Variants in SNX6 observed in about 807,000 individuals in gnomAD.
SNX6 encodes the protein sorting nexin-6.
A neutral mutation model predicts 63.0 loss-of-function variants in SNX6; 34 were observed. The ratio of observed to expected loss-of-function variants is 0.54; its 90% CI spans 0.41 to 0.72. The LOEUF is 0.72. Among genes scored for constraint, SNX6 ranks in the 30% least tolerant of loss-of-function variants. The pLI, the probability that SNX6 is intolerant of heterozygous loss-of-function variation, is 0.00. For synonymous variants in SNX6, 170 were observed against 164.2 expected (o/e 1.04, Z -0.27); for missense variants, 398 against 471.4 (o/e 0.84, Z 1.44).
intron 6 of SNX6, among the ~76,000 whole-genome samples, 160 bp downstream of exon 6, chr14:34,603,188 G>A (rs1882890923): frequency 6.6e-6 from 1 of 151,528 alleles, no homozygotes; most frequent in African/African-American, 2.4e-5. Flanking sequence ...TGAGGCAGGA[G>A]AATGGCATGA....
intron 1 of SNX6, 68 bp downstream of exon 1, chr14:34,630,043 C>T (rs529356799): frequency 3.5e-6 from 5 of 1,441,496 alleles, no homozygotes; most frequent in African/African-American, 1.5e-5. Context: ...TGGCGCGGTC[C>T]CCGCGCCCGC....
At chr14:34,577,309 G>C (rs1466218344) in intron 10 of SNX6, among the ~76,000 whole-genome samples, 3 of 151,644 alleles carry the variant, frequency 2.0e-5, no homozygotes, top group Non-Finnish European at 4.4e-5. Flanking sequence ...GGCTGGTCTC[G>C]AACTCCTGAC....
At chr14:34,615,462 T>C (rs2138371517) in intron 2 of SNX6, among the ~76,000 whole-genome samples, 1 of 152,200 alleles carries the variant, frequency 6.6e-6, no homozygotes, top group East Asian at 1.9e-4. Flanking sequence ...GCTTAAGTGA[T>C]TCTCCCACCT....
At position 34,562,986 on chromosome 14, in the gene SNX6, G is replaced by C. The variant is rs1880997641; in HGVS notation, c.*136C>G. 2 of 834,236 alleles carry C rather than the reference G, an allele frequency of 2.4e-6. No homozygotes were observed. The highest frequency in any genetic ancestry group is 2.5e-5 in the Admixed American group (1 of 40,092). 51.7% of individuals were successfully genotyped at this position (834,236 alleles called of 1,614,324 possible). On this transcript the variant is annotated 3_prime_UTR_variant, in exon 14 of 14. Transcript: ENST00000362031. ...GGCGTGCGCTGCTCCATGTTTCTCA[G>C]AAAAAGAGGAGTTGATGCACTTTTT...
intron 7 of SNX6, among the ~76,000 whole-genome samples, chr14:34,596,741 T>C (rs1259260073): frequency 6.6e-6 from 1 of 150,952 alleles, no homozygotes; most frequent in Admixed American, 6.6e-5. Flanking sequence ...TGGAGTGCAG[T>C]GGCAAAATCT....
chr14:34,589,669 A>C (rs754177126), intron 8 of SNX6, among the ~76,000 whole-genome samples: 15 of 152,070 alleles, frequency 9.9e-5, no homozygotes, highest in East Asian at 1.9e-4. Context: ...CTAAAAAAAA[A>C]TACAAAAGAT....
At chr14:34,582,073 C>T (rs553071300) in intron 9 of SNX6, among the ~76,000 whole-genome samples, 4 of 151,720 alleles carry the variant, frequency 2.6e-5, no homozygotes, top group African/African-American at 7.2e-5. Flanking sequence ...GTGATCCGCC[C>T]GCCTCGGCCT....
chr14:34,575,259 C>A (rs1881645956), intron 11 of SNX6, among the ~76,000 whole-genome samples: 1 of 145,572 alleles, frequency 6.9e-6, no homozygotes, highest in African/African-American at 2.6e-5. Context: ...AGTGCAATGG[C>A]ACGCGATCTC....
intron 10 of SNX6, among the ~76,000 whole-genome samples, chr14:34,578,038 C>G (rs1429501299): frequency 4.1e-5 from 6 of 146,530 alleles, no homozygotes; most frequent in Admixed American, 3.4e-4. Context: ...ACCCCACCCC[C>G]CCGTCTCTAC....
At chr14:34,609,831 A>G in intron 2 of SNX6, 89 bp from the exon 3 acceptor site, 1 of 830,118 alleles carries the variant, frequency 1.2e-6, no homozygotes, top group Non-Finnish European at 1.9e-6. Context: ...CAAAACAAAA[A>G]TAACAAAAGA....
intron 2 of SNX6, among the ~76,000 whole-genome samples, chr14:34,611,966 G>A (rs1023730325): frequency 4.6e-5 from 7 of 152,012 alleles, no homozygotes; most frequent in Non-Finnish European, 8.8e-5. Context: ...TTTTTTAGTA[G>A]AGAGGAGTTT....
At chr14:34,580,060 C>A (rs937177389) in intron 10 of SNX6, among the ~76,000 whole-genome samples, 1 of 152,088 alleles carries the variant, frequency 6.6e-6, no homozygotes, top group African/African-American at 2.4e-5. Context: ...TGGCACATGC[C>A]TGTAATCTCA....
In SNX6 at chr14:34,569,043, T is replaced by C. The variant is rs957169689; in HGVS notation, c.922-1030A>G. On this transcript the variant is annotated intron_variant, in intron 11 of 13. Coordinates refer to ENST00000362031, the MANE Select transcript of SNX6 (RefSeq NM_152233.4). ...TGACGGTGTCCACCCATTCGGGGAC[T>C]TTCAGCTTCCCAGACTTTCTGAGGA... The C allele has an allele frequency of 1.1e-5, 15 of 1,404,018 alleles. No individual in the cohort carries two copies. The African/African-American group carries it at 1.7e-4, about 16-fold the overall frequency. 87.0% of individuals were successfully genotyped at this position (1,404,018 alleles called of 1,614,324 possible). A position where few individuals can be genotyped will look rare whatever the true frequency, so the allele number is the denominator to read the frequency against.
rs1028791309 is a variant in SNX6 at position 34,567,995 on chromosome 14, A to T, written c.940T>A (p.Ser314Thr). The T allele has an allele frequency of 2.1e-5, 34 of 1,611,664 alleles. No individual in the cohort carries two copies. The highest frequency in any genetic ancestry group is 2.7e-5 in the Non-Finnish European group (32 of 1,179,860). ...TTTTCATAATCCACTAGTGACCTAG[A>T]CCTTCGATACAGGAGATCCTATAAA... ...QAAKDLLYRR[S>T]RSLVDYENAN... is the part of the protein sequence containing the mutation. Residue 314 changes from serine (S) to threonine (T), a missense_variant, in exon 12 of 14, where the codon TCT (serine) becomes ACT (threonine). Ser to Thr is a moderately conservative substitution (Grantham distance 58). Coordinates refer to ENST00000362031, the MANE Select transcript of SNX6 (RefSeq NM_152233.4).
At chr14:34,596,198 A>C (rs7144882) in intron 7 of SNX6, among the ~76,000 whole-genome samples, 19 of 150,686 alleles carry the variant, frequency 1.3e-4, no homozygotes, top group African/African-American at 4.1e-4. Context: ...GCCTGGGCGA[A>C]AGAGTGAGAT....
chr14:34,565,584 T>C (rs948176383), intron 13 of SNX6, among the ~76,000 whole-genome samples: 2 of 151,600 alleles, frequency 1.3e-5, no homozygotes, highest in Non-Finnish European at 1.5e-5. Context: ...TGGCGCAATC[T>C]TGGCTCACGG....
intron 2 of SNX6, among the ~76,000 whole-genome samples, chr14:34,622,143 G>C (rs537042364): frequency 6.6e-6 from 1 of 150,800 alleles, no homozygotes; most frequent in South Asian, 2.1e-4. Flanking sequence ...TGTATTTTTA[G>C]TACAGTTGGG....
chr14:34,603,589 G>A (rs1882907748), intron 5 of SNX6, 118 bp from the exon 6 acceptor site: 2 of 797,978 alleles, frequency 2.5e-6, no homozygotes, highest in Non-Finnish European at 1.8e-6. Flanking sequence ...GAGATACAAA[G>A]ATATAATTCA....
At chr14:34,597,427 A>G (rs1882648231) in intron 7 of SNX6, 123 bp downstream of exon 7, 1 of 662,444 alleles carries the variant, frequency 1.5e-6, no homozygotes, top group Non-Finnish European at 2.6e-6. Flanking sequence ...TCCTGTTCCT[A>G]GGACTGAAGA....
Sources: allele counts gnomAD v4.1 joint callset (sites outside exome capture counted in the v4.1 genomes callset), GRCh38; gene constraint gnomAD v4.1.1; transcripts MANE v1.5; gene names NCBI Gene and HGNC (gene_info 2026-07-23, HGNC 2026-07-21).